The following CSMD1 variants were observed in gnomAD, a reference collection of about 807,000 sequenced individuals.
CSMD1 encodes CUB and sushi domain-containing protein 1.
Under a neutral mutation model 417.5 loss-of-function variants are expected in CSMD1, and 213 were observed. The observed-to-expected ratio is 0.51, with a 90% confidence interval of 0.46 to 0.57. The LOEUF (loss-of-function observed/expected upper bound fraction) is 0.57. Among genes scored for constraint, CSMD1 ranks in the 20% least tolerant of loss-of-function variants. CSMD1 has a pLI of 0.00. For missense variants in CSMD1, 6,923 were observed against 4,529.7 expected, an observed-to-expected ratio of 1.53 and a Z score of -15.17; for synonymous variants, 2,862 against 1,736.8, an observed-to-expected ratio of 1.65 and a Z score of -16.11.
chr8:4,572,406 G>A (rs1394943900), intron 2 of CSMD1, among the ~76,000 whole-genome samples: 1 of 152,122 alleles, frequency 6.6e-6, no homozygotes, highest in East Asian at 1.9e-4. Context: ...GAAATTCTGG[G>A]TTGAAAATAC....
intron 3 of CSMD1, among the ~76,000 whole-genome samples, chr8:4,150,421 G>A (rs749234389): frequency 6.6e-6 from 1 of 152,186 alleles, no homozygotes; most frequent in East Asian, 1.9e-4. Context: ...ATCTTTGGAT[G>A]GCAGGCTTTT....
At chr8:3,554,667 G>C (rs759797364) in intron 10 of CSMD1, among the ~76,000 whole-genome samples, 2 of 152,204 alleles carry the variant, frequency 1.3e-5, no homozygotes, top group African/African-American at 4.8e-5. Context: ...TAGTTTTCTT[G>C]AGCTTGTTAG....
chr8:4,227,489 T>C (rs1257561607), intron 3 of CSMD1, among the ~76,000 whole-genome samples: 5 of 152,090 alleles, frequency 3.3e-5, no homozygotes, highest in African/African-American at 1.2e-4. Flanking sequence ...TCCTGTGCCC[T>C]TGAGGCTGGA....
chr8:4,264,954 C>T (rs1053493765), intron 3 of CSMD1, among the ~76,000 whole-genome samples: 4 of 152,110 alleles, frequency 2.6e-5, no homozygotes, highest in Non-Finnish European at 5.9e-5. Context: ...ATATTTCGAA[C>T]AGGATAAAAT....
chr8:4,369,834 G>T (rs536606714), intron 3 of CSMD1, among the ~76,000 whole-genome samples: 1 of 152,108 alleles, frequency 6.6e-6, no homozygotes, highest in Non-Finnish European at 1.5e-5. Context: ...GTTGTTACTT[G>T]TAAGACGAGT....
At chr8:3,517,848 T>C (rs1009983176) in intron 10 of CSMD1, among the ~76,000 whole-genome samples, 2 of 152,100 alleles carry the variant, frequency 1.3e-5, no homozygotes, top group African/African-American at 4.8e-5. Flanking sequence ...ATCCTAGAAA[T>C]CCTCAACTGC....
At chr8:3,044,455 GC>G (rs1811304973) in intron 50 of CSMD1, among the ~76,000 whole-genome samples, 1 of 152,082 alleles carries the variant, frequency 6.6e-6, no homozygotes, top group Non-Finnish European at 1.5e-5. Context: ...TCACTGGAAG[GC>G]TAGCTTAATG....
At chr8:4,659,742 A>C (rs1368035087) in intron 1 of CSMD1, among the ~76,000 whole-genome samples, 1 of 152,164 alleles carries the variant, frequency 6.6e-6, no homozygotes, top group Non-Finnish European at 1.5e-5. Flanking sequence ...AACATTGTGA[A>C]TGTACTGACG....
At chr8:4,525,732 C>T (rs1796480469) in intron 2 of CSMD1, among the ~76,000 whole-genome samples, 1 of 152,176 alleles carries the variant, frequency 6.6e-6, no homozygotes, top group Admixed American at 6.5e-5. Flanking sequence ...GTCACCTCGT[C>T]ATCACATGGG....
At position 3,962,187 on chromosome 8, in the gene CSMD1, ATAC is replaced by A. The variant is rs1043134784; in HGVS notation, c.818+35713_818+35715del. Among the ~76,000 whole-genome samples the A allele has an allele frequency of 3.3e-3, 501 of 152,292 alleles. 8 individuals are homozygous for A. The highest frequency in any genetic ancestry group is 0.011 in the African/African-American group (477 of 41,574). On this transcript the variant is annotated intron_variant, in intron 5 of 69. Coordinates refer to ENST00000635120, the MANE Select transcript of CSMD1 (RefSeq NM_033225.6). ...CCTGCTCTGCTGAGGTGGTTTGAAT[ATAC>A]CACATTCCAGAATGGGATTGTTTTG...
At chr8:3,194,829 G>A (rs899877286) in intron 33 of CSMD1, among the ~76,000 whole-genome samples, 3 of 151,938 alleles carry the variant, frequency 2.0e-5, no homozygotes, top group Non-Finnish European at 4.4e-5. Context: ...GAAGACCCTG[G>A]AAGAAGAAGC....
chr8:4,258,881 C>G (rs947839611), intron 3 of CSMD1, among the ~76,000 whole-genome samples: 2 of 152,286 alleles, frequency 1.3e-5, no homozygotes, highest in East Asian at 1.9e-4. Context: ...TCTACCTGGC[C>G]GTGCCATGTG....
At chr8:4,147,948 G>C (rs184443869) in intron 3 of CSMD1, among the ~76,000 whole-genome samples, 1 of 152,078 alleles carries the variant, frequency 6.6e-6, no homozygotes, top group Admixed American at 6.6e-5. Flanking sequence ...GCACCAGGTA[G>C]AAACCCACAG....
At chr8:4,528,942 A>G (rs1183278448) in intron 2 of CSMD1, among the ~76,000 whole-genome samples, 1 of 152,222 alleles carries the variant, frequency 6.6e-6, no homozygotes, top group African/African-American at 2.4e-5. Flanking sequence ...AAAATACCCC[A>G]GGGAACATAC....
chr8:3,326,652 C>A (rs985927625), intron 23 of CSMD1, among the ~76,000 whole-genome samples: 2 of 152,204 alleles, frequency 1.3e-5, no homozygotes, highest in African/African-American at 2.4e-5. Context: ...GTCTTCCCTC[C>A]TTGTAAAATG....
intron 5 of CSMD1, among the ~76,000 whole-genome samples, chr8:3,815,725 G>C (rs186635152): frequency 1.3e-5 from 2 of 151,526 alleles, no homozygotes; most frequent in African/African-American, 2.4e-5. Flanking sequence ...TTTGGACTTG[G>C]AGATTCTCAT....
intron 3 of CSMD1, among the ~76,000 whole-genome samples, chr8:4,161,434 G>C (rs538585619): frequency 5.3e-5 from 8 of 152,144 alleles, no homozygotes; most frequent in Non-Finnish European, 1.2e-4. Context: ...TTTTAGAAGA[G>C]AAAATTGAAA....
intron 2 of CSMD1, among the ~76,000 whole-genome samples, chr8:4,622,264 T>C (rs979584208): frequency 5.3e-5 from 8 of 151,314 alleles, no homozygotes; most frequent in African/African-American, 1.9e-4. Flanking sequence ...CAAAAGAGGA[T>C]ACTTGCCTGG....
intron 1 of CSMD1, among the ~76,000 whole-genome samples, chr8:4,723,213 G>A (rs1483514787): frequency 6.6e-6 from 1 of 152,094 alleles, no homozygotes; most frequent in African/African-American, 2.4e-5. Context: ...AGAGTATAAC[G>A]TAGACGGCTC....
Sources: gnomAD v4.1 joint callset for allele counts (sites outside exome capture counted in the v4.1 genomes callset) on GRCh38, gnomAD v4.1.1 for gene constraint, MANE v1.5 for transcripts, NCBI Gene and HGNC (gene_info 2026-07-23, HGNC 2026-07-21) for gene names.